TFEB: variants seen among roughly 807,000 people sequenced by gnomAD.
TFEB encodes transcription factor EB.
In TFEB, 12 loss-of-function variants were observed where a neutral mutation model predicts 48.0. That is an observed-to-expected ratio of 0.25 (90% CI 0.16 to 0.40). The LOEUF is 0.40. Ranked by LOEUF, TFEB falls within the 10% of genes least tolerant of loss-of-function variation. TFEB has a pLI of 1.00. For synonymous variants in TFEB, 244 were observed against 261.4 expected (o/e 0.93, Z 0.64); for missense variants, 509 against 640.3 (o/e 0.79, Z 2.21).
chr6:41,715,086 C>T (rs952072223), intron 1 of TFEB, among the ~76,000 whole-genome samples: 5 of 152,134 alleles, frequency 3.3e-5, no homozygotes, highest in Non-Finnish European at 2.9e-5. Flanking sequence ...AGTGGGAGGA[C>T]CACCCCACCT....
rs758600931 is a variant in TFEB at position 41,684,974 on chromosome 6, G to A, written c.1056C>T (p.Ser352=). 2.3e-5 allele frequency: 37 copies of A among 1,576,224 alleles called. No individual in the cohort carries two copies. Among genetic ancestry groups the A allele is most frequent in the South Asian group, 2.1e-4 (18 of 85,970 alleles). Reference sequence around the variant, plus strand: ...TCAGGGCCTCCCCTGGGCCCTCTTCGCTAGGCAGCTCCTGCTTCACCACCT... The same window carrying A: ...TCAGGGCCTCCCCTGGGCCCTCTTCACTAGGCAGCTCCTGCTTCACCACCT... ...AQQVVKQELP[S]EEGPGEALML... The change falls in exon 9 of 9, where the codon AGC becomes AGT. Residue 352 remains serine (S), a synonymous_variant. Transcript: ENST00000373033.
In TFEB at chr6:41,691,048, G is replaced by C; in HGVS notation, c.166C>G (p.Pro56Ala). Residue 56 changes from proline to alanine, a missense_variant, in exon 2 of 9, where the codon CCC (proline) becomes GCC (alanine). Coordinates refer to ENST00000373033, the MANE Select transcript of TFEB (RefSeq NM_001271944.2). The surrounding 1 kb of genome is among the most constrained non-coding windows in gnomAD (Gnocchi z 5.2). The stretch of plus-strand genomic sequence containing the variant: ...GGTGGTGGCGACTGGAAGTGGACGG[G>C]GGTATTGATGGCCGGGGTGGGCGGC... ...GGPPTPAINTPVHFQSPPPVP... is the reference protein window; with the variant it reads ...GGPPTPAINTAVHFQSPPPVP... 1.9e-6 allele frequency: 3 copies of C among 1,573,702 alleles called. No homozygotes were observed. Among genetic ancestry groups the C allele is most frequent in the East Asian group, 4.7e-5 (2 of 42,718 alleles).
At chr6:41,736,128 C>T (rs1269650235), upstream of TFEB, 1 of 1,612,894 alleles carries the variant, frequency 6.2e-7, no homozygotes, top group Admixed American at 1.7e-5. Flanking sequence ...ATGGGTTCTA[C>T]ATTCACGCCC....
chr6:41,702,942 T>C (rs1303742198), intron 1 of TFEB, among the ~76,000 whole-genome samples: 1 of 152,156 alleles, frequency 6.6e-6, no homozygotes, highest in Non-Finnish European at 1.5e-5. Flanking sequence ...GCCGCCTGCC[T>C]GGTGTGCTGA....
intron 1 of TFEB, among the ~76,000 whole-genome samples, chr6:41,731,930 G>A (rs1414502961): frequency 6.6e-6 from 1 of 152,248 alleles, no homozygotes; most frequent in Non-Finnish European, 1.5e-5. Flanking sequence ...ACAGGTTCCA[G>A]CCGGAGGTCC....
Position 41,717,778 on chromosome 6 carries a change from C to T in TFEB, c.-23+17572G>A, listed in dbSNP as rs1770800994. Among the ~76,000 whole-genome samples the T allele has an allele frequency of 2.0e-5, 3 of 152,194 alleles. No individual in the cohort carries two copies. In the South Asian group the frequency reaches 6.2e-4, roughly 32 times the overall value. ...AGGAAGAAGGAAGAGGAAGAGGTATCCTGGGCAGAGCACTGGCCATGGAGT... is the reference window on the plus strand; with the variant it reads ...AGGAAGAAGGAAGAGGAAGAGGTATTCTGGGCAGAGCACTGGCCATGGAGT... On this transcript the variant is annotated intron_variant, in intron 1 of 8. Transcript: ENST00000373033.
At position 41,686,885 on chromosome 6, in the gene TFEB, G is replaced by T. The variant is rs932971811; in HGVS notation, c.803+209C>A. 5.0e-6 allele frequency: 3 copies of T among 594,612 alleles called. No homozygotes were observed. The East Asian group carries it at 8.4e-5, about 17-fold the overall frequency. The allele number at this position is 594,612 out of a possible 1,614,324, so 36.8% of individuals were successfully genotyped here. A position where few individuals can be genotyped will look rare whatever the true frequency, so the allele number is the denominator to read the frequency against. ...CTCCAAGAAGCCTCCCTTGACCTCA[G>T]CCTCACTTCCAGGACAGAAACTCAT... is the stretch of plus-strand genomic sequence containing the variant. On this transcript the variant is annotated intron_variant, in intron 7 of 8. Coordinates refer to ENST00000373033, the MANE Select transcript of TFEB (RefSeq NM_001271944.2).
At chr6:41,693,937 C>T (rs2127451056) in intron 1 of TFEB, among the ~76,000 whole-genome samples, 1 of 150,260 alleles carries the variant, frequency 6.7e-6, no homozygotes, top group Middle Eastern at 3.4e-3. Context: ...AGGCTCTGAC[C>T]CCAGCCCAAC....
In TFEB at chr6:41,702,865, C is replaced by G. The variant is rs77554819; in HGVS notation, c.-22-11630G>C. On this transcript the variant is annotated intron_variant, in intron 1 of 8. Coordinates refer to ENST00000373033, the MANE Select transcript of TFEB (RefSeq NM_001271944.2). ...GTGACCTTGGGCAAGTCCTGTCCCC[C>G]TCTCCGGGACTCAAGACCCTCACAA... Among the ~76,000 whole-genome samples, 1,411 of 152,350 alleles carry G rather than the reference C, an allele frequency of 9.3e-3. 24 individuals carry two copies. Among genetic ancestry groups the G allele is most frequent in the African/African-American group, 0.032 (1,322 of 41,584 alleles).
At chr6:41,731,410 C>T (rs1393771456) in intron 1 of TFEB, among the ~76,000 whole-genome samples, 3 of 152,166 alleles carry the variant, frequency 2.0e-5, no homozygotes, top group Non-Finnish European at 2.9e-5. Flanking sequence ...TTCACCAGGA[C>T]CAGTCTTTAG....
intron 8 of TFEB, among the ~76,000 whole-genome samples, chr6:41,685,508 G>A (rs1768952664): frequency 6.6e-6 from 1 of 152,156 alleles, no homozygotes; most frequent in Non-Finnish European, 1.5e-5. Flanking sequence ...CAGTCCAATT[G>A]CCCTTTGTGT....
intron 1 of TFEB, among the ~76,000 whole-genome samples, chr6:41,731,249 G>A (rs962197688): frequency 2.0e-5 from 3 of 152,096 alleles, no homozygotes; most frequent in Non-Finnish European, 4.4e-5. Context: ...GCAGCTTGCC[G>A]AGGCTCACAC....
At position 41,690,813 on chromosome 6, in the gene TFEB, G is replaced by A. The variant is rs775608832; in HGVS notation, c.318C>T (p.Ala106=). Residue 106 remains alanine (A), a synonymous_variant, in exon 3 of 9, where the codon GCC becomes GCT. Coordinates refer to ENST00000373033, the MANE Select transcript of TFEB (RefSeq NM_001271944.2). The part of the protein sequence containing the change: ...LSETYGNKFA[A]HISPAQGSPK... ...GAGAGCCCTGGGCTGGGCTGATGTG[G>A]GCAGCAAACTTGTTCCCATAGGTCT... 1.9e-6 allele frequency: 3 copies of A among 1,613,174 alleles called. No homozygotes were observed. The highest frequency in any genetic ancestry group is 3.3e-5 in the Admixed American group (2 of 59,980).
rs750828378 is a variant in TFEB at position 41,684,777 on chromosome 6, G to A, written c.1253C>T (p.Ala418Val). Reference sequence around the variant, plus strand: ...GGGGAATGGGGAGCCATGCCCCGGCGCCAGGGGTTCGGGGTAGCCCGGGGG... The same window carrying A: ...GGGGAATGGGGAGCCATGCCCCGGCACCAGGGGTTCGGGGTAGCCCGGGGG... ...EGPPGYPEPLAPGHGSPFPSL... is the reference protein window; with the variant it reads ...EGPPGYPEPLVPGHGSPFPSL... Residue 418 changes from alanine (A) to valine (V), a missense_variant, in exon 9 of 9, where the codon GCG becomes GTG. Around this residue, in one of 4 missense-constraint regions of TFEB, gnomAD observed 168 missense variants for 161.0 expected, o/e 1.04. Transcript: ENST00000373033. The A allele has an allele frequency of 5.6e-6, 9 of 1,610,830 alleles. No homozygotes were observed. Among genetic ancestry groups the A allele is most frequent in the Middle Eastern group, 3.3e-4 (2 of 6,074 alleles).
chr6:41,725,759 T>G (rs749560320), intron 1 of TFEB, among the ~76,000 whole-genome samples: 1 of 152,192 alleles, frequency 6.6e-6, no homozygotes, highest in Non-Finnish European at 1.5e-5. Context: ...TACCCCAAAA[T>G]TATATATTTT....
intron 1 of TFEB, among the ~76,000 whole-genome samples, chr6:41,714,215 G>A (rs865989415): frequency 2.0e-5 from 3 of 151,896 alleles, no homozygotes; most frequent in Non-Finnish European, 4.4e-5. Context: ...ATGTGCGTGC[G>A]TGTCTGTGTG....
chr6:41,699,258 G>A (rs1769768481), intron 1 of TFEB, among the ~76,000 whole-genome samples: 1 of 152,244 alleles, frequency 6.6e-6, no homozygotes, highest in Admixed American at 6.5e-5. Flanking sequence ...GAGGGGAGGT[G>A]TCACCATTCT....
chr6:41,706,150 C>A (rs1770208843), intron 1 of TFEB, among the ~76,000 whole-genome samples: 1 of 152,240 alleles, frequency 6.6e-6, no homozygotes, highest in African/African-American at 2.4e-5. Flanking sequence ...AGGACAGGGG[C>A]CTCAGCATGG....
At chr6:41,686,995 C>T in intron 7 of TFEB, 99 bp downstream of exon 7, 1 of 978,414 alleles carries the variant, frequency 1.0e-6, no homozygotes, top group Non-Finnish European at 1.6e-6. Context: ...AAGGAATTCT[C>T]CTCCCATCCT....
Sources: gnomAD v4.1 joint callset for allele counts (sites outside exome capture counted in the v4.1 genomes callset) on GRCh38, gnomAD v4.1.1 for gene constraint, gnomAD v4.1.1 regional missense constraint, Gnocchi (gnomAD v3.1) non-coding constraint, MANE v1.5 for transcripts, NCBI Gene and HGNC (gene_info 2026-07-23, HGNC 2026-07-21) for gene names.